LARP1B: variants seen among roughly 807,000 people sequenced by gnomAD.
LARP1B encodes La ribonucleoprotein 1B, also known as la-related protein 1B.
A neutral mutation model predicts 114.2 loss-of-function variants in LARP1B; 76 were observed. The observed-to-expected ratio is 0.67, with a 90% CI of 0.55 to 0.81. The LOEUF is 0.81. LARP1B is among the 30% of genes least tolerant of loss of function. The pLI is 0.00. For missense variants in LARP1B, 1,014 were observed against 1,075.8 expected, an observed-to-expected ratio of 0.94 and a Z score of 0.80; for synonymous variants, 345 against 348.0, an observed-to-expected ratio of 0.99 and a Z score of 0.10.
At chr4:128,196,617 C>A (rs901533965) in intron 15 of LARP1B, among the ~76,000 whole-genome samples, 1 of 150,710 alleles carries the variant, frequency 6.6e-6, no homozygotes, top group African/African-American at 2.4e-5. Context: ...TTTTCGGACA[C>A]GGAGTCTCAC....
chr4:128,155,450 C>A, intron 11 of LARP1B: 2 of 731,742 alleles, frequency 2.7e-6, no homozygotes, highest in East Asian at 5.1e-5. Context: ...ATGGCGACCC[C>A]GCGCAGCCCC....
chr4:128,087,248 C>T (rs1328576205), intron 5 of LARP1B, among the ~76,000 whole-genome samples: 1 of 152,072 alleles, frequency 6.6e-6, no homozygotes, highest in Non-Finnish European at 1.5e-5. Context: ...AGGGATTGCT[C>T]AGATTTTCAG....
At chr4:128,149,142 G>A (rs542097755) in intron 11 of LARP1B, among the ~76,000 whole-genome samples, 3 of 152,276 alleles carry the variant, frequency 2.0e-5, no homozygotes, top group South Asian at 2.1e-4. Flanking sequence ...CATTCATTGA[G>A]TAGAATAGCA....
At chr4:128,074,307 G>A (rs1017102575) in intron 1 of LARP1B, among the ~76,000 whole-genome samples, 153 bp from the exon 2 acceptor site, 6 of 152,128 alleles carry the variant, frequency 3.9e-5, no homozygotes, top group African/African-American at 1.4e-4. Context: ...GTGTCAAATG[G>A]GGTTGATTTT....
Position 128,211,202 on chromosome 4 carries a change from C to A in LARP1B, c.*1149C>A, listed in dbSNP as rs1758919569. ...TGAAAAGCTGTAATATTCAGTTTTGCTAGTAAAAGACCATTTTTTTGTGTG... is the reference window on the plus strand; with the variant it reads ...TGAAAAGCTGTAATATTCAGTTTTGATAGTAAAAGACCATTTTTTTGTGTG... On this transcript the variant is annotated 3_prime_UTR_variant, in exon 20 of 20. Transcript: ENST00000326639. The A allele has an allele frequency of 2.1e-6, 2 of 934,758 alleles. No individual in the cohort carries two copies. Among genetic ancestry groups the A allele is most frequent in the Non-Finnish European group, 2.6e-6 (2 of 784,038 alleles). The allele number at this position is 934,758 out of a possible 1,614,324, so 57.9% of individuals were successfully genotyped here.
chr4:128,211,775 C>A lies in LARP1B; in HGVS notation c.*1722C>A. On this transcript the variant is annotated 3_prime_UTR_variant, in exon 20 of 20. Coordinates refer to ENST00000326639, the MANE Select transcript of LARP1B (RefSeq NM_018078.4). ...CATATATCTGAAACCTGTATTTAAC[C>A]AGATATTTCTACTCAACTGAATATA... is the stretch of plus-strand genomic sequence containing the variant. 1.1e-6 allele frequency: 1 copy of A among 896,692 alleles called. No homozygotes were observed. Among genetic ancestry groups the A allele is most frequent in the Non-Finnish European group, 1.3e-6 (1 of 749,206 alleles). The allele number at this position is 896,692 out of a possible 1,614,324, so 55.5% of individuals were successfully genotyped here. A position where few individuals can be genotyped will look rare whatever the true frequency, so the allele number is the denominator to read the frequency against.
chr4:128,149,125 A>G (rs1055921772), intron 11 of LARP1B, among the ~76,000 whole-genome samples: 1 of 152,318 alleles, frequency 6.6e-6, no homozygotes, highest in South Asian at 2.1e-4. Flanking sequence ...GATTACATCA[A>G]TGCATACATT....
intron 9 of LARP1B, chr4:128,108,510 G>A (rs996636413): frequency 3.0e-6 from 3 of 985,418 alleles, no homozygotes; most frequent in African/African-American, 1.7e-5. Flanking sequence ...ATGAGAGGAC[G>A]TCCCATCAAC....
chr4:128,160,793 T>C (rs1581152406), intron 11 of LARP1B, among the ~76,000 whole-genome samples: 1 of 152,154 alleles, frequency 6.6e-6, no homozygotes, highest in South Asian at 2.1e-4. Context: ...TAAATATACA[T>C]TTTGATGTAA....
At chr4:128,176,137 T>C (rs1323622750) in intron 12 of LARP1B, among the ~76,000 whole-genome samples, 1 of 140,796 alleles carries the variant, frequency 7.1e-6, no homozygotes, top group Non-Finnish European at 1.5e-5. Flanking sequence ...TATGTGTGTA[T>C]ATATATTTAT....
intron 11 of LARP1B, among the ~76,000 whole-genome samples, chr4:128,161,971 T>G (rs1738717873): frequency 1.3e-5 from 2 of 152,170 alleles, no homozygotes; most frequent in Admixed American, 1.3e-4. Flanking sequence ...TATAATGTTT[T>G]TTAATTATAA....
chr4:128,214,175 G>T (rs1759343798), downstream of LARP1B, among the ~76,000 whole-genome samples: 2 of 136,844 alleles, frequency 1.5e-5, no homozygotes, highest in South Asian at 5.5e-4. Context: ...CTCGCTGATT[G>T]CTAGCACAGC....
chr4:128,111,598 C>T (rs1415967103), intron 9 of LARP1B, among the ~76,000 whole-genome samples: 4 of 152,090 alleles, frequency 2.6e-5, no homozygotes, highest in Admixed American at 2.6e-4. Context: ...AGTTATTCAG[C>T]AGGCTGAGTT....
At chr4:128,199,738 TAC>T (rs1755334188) in intron 16 of LARP1B, 139 bp downstream of exon 16, 1 of 396,420 alleles carries the variant, frequency 2.5e-6, no homozygotes, top group African/African-American at 2.1e-5. Flanking sequence ...TAAACATGTT[TAC>T]ATATATTCTT....
At chr4:128,085,859 A>G (rs1445999220) in intron 5 of LARP1B, among the ~76,000 whole-genome samples, 2 of 152,196 alleles carry the variant, frequency 1.3e-5, no homozygotes, top group African/African-American at 4.8e-5. Context: ...TTGGTCATAT[A>G]GTAGCTGTAT....
intron 5 of LARP1B, among the ~76,000 whole-genome samples, chr4:128,084,493 C>T (rs1267563708): frequency 3.3e-5 from 5 of 152,124 alleles, no homozygotes; most frequent in South Asian, 4.1e-4. Context: ...GGCGTGGTGG[C>T]GCGCGCCTGC....
intron 15 of LARP1B, among the ~76,000 whole-genome samples, chr4:128,191,093 G>A (rs900723573): frequency 4.8e-5 from 7 of 146,744 alleles, no homozygotes; most frequent in African/African-American, 1.5e-4. Flanking sequence ...TTCAGAAAAC[G>A]TATTTCTGAG....
At chr4:128,068,376 A>G (rs1205943429) in intron 1 of LARP1B, among the ~76,000 whole-genome samples, 1 of 151,476 alleles carries the variant, frequency 6.6e-6, no homozygotes, top group Non-Finnish European at 1.5e-5. Context: ...GTAGGAGTAC[A>G]GTGACACAAT....
chr4:128,176,785 A>C, intron 12 of LARP1B, 87 bp from the exon 13 acceptor site: 1 of 1,285,994 alleles, frequency 7.8e-7, no homozygotes, highest in Non-Finnish European at 1.1e-6. Context: ...GATATGTAAG[A>C]AAATAAATTT....
Sources: gnomAD v4.1 joint callset for allele counts (sites outside exome capture counted in the v4.1 genomes callset) on GRCh38, gnomAD v4.1.1 for gene constraint, MANE v1.5 for transcripts, NCBI Gene and HGNC (gene_info 2026-07-23, HGNC 2026-07-21) for gene names.